Variants in IQSEC1 observed in about 807,000 individuals in gnomAD.
IQSEC1 encodes the protein IQ motif and SEC7 domain-containing protein 1.
In IQSEC1, 31 loss-of-function variants were observed where a neutral mutation model predicts 91.0. The observed-to-expected ratio is 0.34, with a 90% CI of 0.26 to 0.46. IQSEC1 has a LOEUF of 0.46. IQSEC1 is among the 20% of genes least tolerant of loss of function. IQSEC1 has a pLI of 1.00. For missense variants in IQSEC1, 1,388 were observed against 1,575.6 expected, an observed-to-expected ratio of 0.88 and a Z score of 2.02; for synonymous variants, 699 against 662.6, an observed-to-expected ratio of 1.05 and a Z score of -0.84.
rs113216592 is a variant in IQSEC1, at chr3:13,274,476, C to T, written c.272+8235G>A. Among the ~76,000 whole-genome samples the T allele has an allele frequency of 3.5e-3, 530 of 152,366 alleles. 4 individuals are homozygous for T. The highest frequency in any genetic ancestry group is 0.012 in the African/African-American group (505 of 41,582). On this transcript the variant is annotated intron_variant, in intron 1 of 15. Transcript: ENST00000648114. ...CGGGCTCAGGCCCCTTGGTTCTCCACGGGTGTGACGCTCTTCATGCAAGTG... is the reference window on the plus strand; with the variant it reads ...CGGGCTCAGGCCCCTTGGTTCTCCATGGGTGTGACGCTCTTCATGCAAGTG...
intron 2 of IQSEC1, among the ~76,000 whole-genome samples, chr3:13,114,516 G>A (rs1328841086): frequency 6.6e-6 from 1 of 152,202 alleles, no homozygotes; most frequent in African/African-American, 2.4e-5. Flanking sequence ...TATATGCCAG[G>A]TGCAGTGGCT....
At chr3:13,019,324 G>A (rs777109095) in intron 1 of IQSEC1, among the ~76,000 whole-genome samples, 1 of 152,364 alleles carries the variant, frequency 6.6e-6, no homozygotes, top group Non-Finnish European at 1.5e-5. Context: ...GCTGGCAGGC[G>A]CACAGCTGCT....
chr3:12,956,519 C>T (rs1189109922), intron 1 of IQSEC1, among the ~76,000 whole-genome samples: 1 of 152,224 alleles, frequency 6.6e-6, no homozygotes, highest in African/African-American at 2.4e-5. Flanking sequence ...TCATCATAAC[C>T]ACCAAGCCTC....
At chr3:12,923,949 G>A (rs1006092163) in intron 4 of IQSEC1, among the ~76,000 whole-genome samples, 29 of 152,250 alleles carry the variant, frequency 1.9e-4, no homozygotes, top group Non-Finnish European at 1.2e-4. Context: ...AGCCGGGAGT[G>A]CTATGCTCAC....
At chr3:13,104,418 C>CA (rs1706111395) in intron 2 of IQSEC1, among the ~76,000 whole-genome samples, 1 of 152,252 alleles carries the variant, frequency 6.6e-6, no homozygotes, top group Middle Eastern at 3.4e-3. Flanking sequence ...CCTTTTCACC[C>CA]ATCCCTTACA....
chr3:13,136,247 C>T (rs1174129418), intron 2 of IQSEC1, among the ~76,000 whole-genome samples: 1 of 152,214 alleles, frequency 6.6e-6, no homozygotes, highest in African/African-American at 2.4e-5. Context: ...TGCGTGTCCA[C>T]GTGGGAAATG....
At chr3:13,174,272 C>T (rs1445313253) in intron 1 of IQSEC1, among the ~76,000 whole-genome samples, 1 of 152,128 alleles carries the variant, frequency 6.6e-6, no homozygotes, top group Admixed American at 6.5e-5. Context: ...GCCTGATGAC[C>T]CCGGAAAGGC....
intron 2 of IQSEC1, among the ~76,000 whole-genome samples, chr3:12,938,955 C>T (rs1294485884): frequency 1.3e-5 from 2 of 152,226 alleles, no homozygotes; most frequent in African/African-American, 2.4e-5. Context: ...CGTCCCCAAA[C>T]TTACCGTGGG....
At chr3:13,022,284 G>C in intron 1 of IQSEC1, 3 of 1,217,344 alleles carry the variant, frequency 2.5e-6, no homozygotes, top group Non-Finnish European at 3.1e-6. Context: ...GCTGCCACAG[G>C]CCACTGCAGG....
intron 1 of IQSEC1, among the ~76,000 whole-genome samples, chr3:13,270,272 TTG>T (rs1695571025): frequency 6.6e-6 from 1 of 152,260 alleles, no homozygotes; most frequent in South Asian, 2.1e-4. Flanking sequence ...TTTAATTAAT[TTG>T]TTACAGGCCA....
chr3:12,910,648 G>A (rs1180568771), intron 10 of IQSEC1, among the ~76,000 whole-genome samples: 2 of 152,224 alleles, frequency 1.3e-5, no homozygotes, highest in Admixed American at 1.3e-4. Flanking sequence ...AGGGCATACA[G>A]GGAGTGCAGG....
chr3:13,080,247 TTGGGATGGTGAGTC>T (rs1705627565), intron 2 of IQSEC1, among the ~76,000 whole-genome samples: 1 of 151,034 alleles, frequency 6.6e-6, no homozygotes, highest in Non-Finnish European at 1.5e-5. Context: ...AGAGGAGAGG[TTGGGATGGTGAGTC>T]TGGAGGGAAG....
In IQSEC1 at chr3:13,193,527, G is replaced by A. The variant is rs780562894; in HGVS notation, c.273-29394C>T. On this transcript the variant is annotated intron_variant, in intron 1 of 15. Transcript: ENST00000648114. The surrounding 1 kb of genome is among the most constrained non-coding windows in gnomAD (Gnocchi z 4.2). ...GAACAAGGCACAGAGGGGACGAAGA[G>A]GAGTGCCAGCCCAGGCCGCCAGGGT... Among the ~76,000 whole-genome samples, 1 of 152,190 alleles carries A rather than the reference G, an allele frequency of 6.6e-6. No homozygotes were observed. The highest frequency in any genetic ancestry group is 6.5e-5 in the Admixed American group (1 of 15,284).
chr3:13,236,922 A>G (rs1175223109), intron 1 of IQSEC1, among the ~76,000 whole-genome samples: 1 of 152,176 alleles, frequency 6.6e-6, no homozygotes, highest in Non-Finnish European at 1.5e-5. Context: ...CAGGTTTTGA[A>G]GGCTGCTCTG....
At chr3:13,260,171 G>A (rs1014690152) in intron 1 of IQSEC1, among the ~76,000 whole-genome samples, 2 of 152,208 alleles carry the variant, frequency 1.3e-5, no homozygotes, top group African/African-American at 4.8e-5. Context: ...AAGCGTGGAG[G>A]AGGAAGGGAA....
chr3:12,927,410 C>CT (rs1311322234), intron 3 of IQSEC1, among the ~76,000 whole-genome samples: 1 of 135,186 alleles, frequency 7.4e-6, no homozygotes. Flanking sequence ...GGTGCATGCT[C>CT]TAACTCCACC....
At chr3:13,081,206 T>C (rs2125128378) in intron 2 of IQSEC1, among the ~76,000 whole-genome samples, 1 of 152,368 alleles carries the variant, frequency 6.6e-6, no homozygotes, top group Middle Eastern at 3.4e-3. Flanking sequence ...ATGCCACCAA[T>C]AAAAGTTGGC....
In IQSEC1 at chr3:12,941,751, G is replaced by C; in HGVS notation, c.138C>G (p.His46Gln). The C allele has an allele frequency of 1.2e-6, 2 of 1,612,308 alleles. No homozygotes were observed. Among genetic ancestry groups the C allele is most frequent in the East Asian group, 4.5e-5 (2 of 44,878 alleles). ...ACAGCCCATAGGCTCCCACTGACGTGTGCTCGTAGTGATCCGGGCTCAGGC... is the reference window on the plus strand; with the variant it reads ...ACAGCCCATAGGCTCCCACTGACGTCTGCTCGTAGTGATCCGGGCTCAGGC... ...GSSLSPDHYE[H>Q]TSVGAYGLYS... Residue 46 changes from histidine (H) to glutamine (Q), a missense_variant, in exon 2 of 14, where the codon CAC becomes CAG. Physicochemically the swap from His to Gln is conservative, Grantham distance 24. Transcript: ENST00000613206.
At chr3:13,021,155 C>T (rs1021070277) in intron 1 of IQSEC1, among the ~76,000 whole-genome samples, 2 of 152,198 alleles carry the variant, frequency 1.3e-5, no homozygotes, top group Admixed American at 1.3e-4. Context: ...CAAATTCGGG[C>T]CCCGTGTAGT....
Sources: gnomAD v4.1 joint callset for allele counts (sites outside exome capture counted in the v4.1 genomes callset) on GRCh38, gnomAD v4.1.1 for gene constraint, Gnocchi (gnomAD v3.1) non-coding constraint, MANE v1.5 for transcripts, NCBI Gene and HGNC (gene_info 2026-07-23, HGNC 2026-07-21) for gene names.